GLA: variants seen among roughly 807,000 people sequenced by gnomAD.
The protein encoded by GLA is galactosidase alpha.
In GLA, 4 loss-of-function variants were observed where a neutral mutation model predicts 28.2. That is an observed-to-expected ratio of 0.14 (90% CI 0.07 to 0.32). GLA has a LOEUF of 0.32. Among genes scored for constraint, GLA ranks in the 10% least tolerant of loss-of-function variants. The pLI, the probability that GLA is intolerant of heterozygous loss-of-function variation, is 1.00. For synonymous variants in GLA, 94 were observed against 113.0 expected (o/e 0.83, Z 1.07); for missense variants, 203 against 323.7 (o/e 0.63, Z 2.86).
chrX:101,400,127 T>C (rs1412559267), intron 4 of GLA, among the ~76,000 whole-genome samples: 1 of 111,309 alleles, frequency 9.0e-6, no homozygotes, highest in Non-Finnish European at 1.9e-5. Context: ...CAAGTGCAAT[T>C]GGAAGCGAGT....
At chrX:101,402,742 C>T (rs369094600) in intron 2 of GLA, among the ~76,000 whole-genome samples, 28 of 109,040 alleles carry the variant, frequency 2.6e-4, no homozygotes, top group African/African-American at 9.1e-4. Flanking sequence ...CCAGCCTGGG[C>T]GACAGAGCGA....
In GLA at chrX:101,403,838, A is replaced by T; in HGVS notation, c.342T>A (p.Pro114=). 3 of 1,211,643 alleles carry T rather than the reference A, an allele frequency of 2.5e-6. No homozygotes were observed. The highest frequency in any genetic ancestry group is 3.0e-5 in the East Asian group (1 of 33,866). The part of the protein sequence containing the change: ...GRLQADPQRF[P]HGIRQLANYV... The stretch of plus-strand genomic sequence containing the variant: ...AATTAGCTAGCTGGCGAATCCCATG[A>T]GGAAAGCGCTGAGGGTCTGCCTGAA... Residue 114 remains proline (P), a synonymous_variant, in exon 2 of 7, where the codon CCT becomes CCA. Coordinates refer to ENST00000218516, the MANE Select transcript of GLA (RefSeq NM_000169.3).
chrX:101,398,169 CT>C, intron 6 of GLA, 70 bp from the exon 7 acceptor site: 1 of 981,642 alleles, frequency 1.0e-6, no homozygotes, highest in Non-Finnish European at 1.5e-6. Context: ...GGCATTCATT[CT>C]TAATGTCAGA....
At chrX:101,403,429 C>T (rs1358948510) in intron 2 of GLA, among the ~76,000 whole-genome samples, 1 of 107,370 alleles carries the variant, frequency 9.3e-6, no homozygotes, top group Admixed American at 1.0e-4. Context: ...TTCTTTTTTT[C>T]CTTGTTTTTT....
intron 1 of GLA, among the ~76,000 whole-genome samples, chrX:101,404,611 C>T (rs1555986444): frequency 1.0e-5 from 1 of 97,250 alleles, no homozygotes; most frequent in Non-Finnish European, 2.0e-5. Context: ...CCTCTGTCAC[C>T]CAGGCTGGAG....
rs375661583 is a variant in GLA, at chrX:101,397,915, C to G, written c.1184G>C (p.Gly395Ala). The G allele has an allele frequency of 1.3e-5, 16 of 1,208,708 alleles. No individual in the cohort carries two copies. Among genetic ancestry groups the G allele is most frequent in the Non-Finnish European group, 1.7e-5 (15 of 893,526 alleles). Residue 395 changes from glycine to alanine, a missense_variant, in exon 7 of 7, where the codon GGG (glycine) becomes GCG (alanine). Gly to Ala is a moderately conservative substitution (Grantham distance 60). Transcript: ENST00000218516. ...TAACCTTGAAGTCCATTCATAGAAC[C>G]CTAGCTTCCTTTTCACAGGGAGGAG... is the stretch of plus-strand genomic sequence containing the variant. ...TQLLPVKRKL[G>A]FYEWTSRLRS...
At chrX:101,399,027 T>C in intron 4 of GLA, 81 bp from the exon 5 acceptor site, 3 of 859,535 alleles carry the variant, frequency 3.5e-6, no homozygotes, top group South Asian at 2.0e-5. Flanking sequence ...GAGGCACTTG[T>C]AGCCTTCTCT....
At chrX:101,402,512 C>A (rs113410375) in intron 2 of GLA, among the ~76,000 whole-genome samples, 1,891 of 112,262 alleles carry the variant, frequency 0.017, 40 homozygotes, top group African/African-American at 0.059. Flanking sequence ...TGCCTGTAAT[C>A]CCAGCACTTT....
At chrX:101,401,085 C>T (rs1928299034) in intron 3 of GLA, 1 of 181,144 alleles carries the variant, frequency 5.5e-6, no homozygotes, top group Admixed American at 7.2e-5. Context: ...ATCCACCCGC[C>T]TCAGCCTCCC....
intron 1 of GLA, among the ~76,000 whole-genome samples, chrX:101,405,855 T>C (rs1451733295): frequency 9.4e-6 from 1 of 106,577 alleles, no homozygotes. Context: ...GAGGTGGAGT[T>C]TGCACTGAGC....
intron 4 of GLA, among the ~76,000 whole-genome samples, chrX:101,399,520 C>T (rs1332796885): frequency 8.9e-6 from 1 of 111,980 alleles, no homozygotes; most frequent in Non-Finnish European, 1.9e-5. Context: ...GCCGAGATGG[C>T]GCCACTGCAC....
intron 1 of GLA, 108 bp downstream of exon 1, chrX:101,407,602 G>C (rs782615222): frequency 1.3e-4 from 91 of 727,734 alleles, no homozygotes; most frequent in African/African-American, 8.3e-4. Flanking sequence ...GAGTCGGGTG[G>C]GGGAGCTCTC....
chrX:101,403,508 A>G (rs1191865155), intron 2 of GLA, among the ~76,000 whole-genome samples: 1 of 106,626 alleles, frequency 9.4e-6, no homozygotes, highest in Non-Finnish European at 1.9e-5. Context: ...GCTCACTGAA[A>G]CTTCCACCTC....
At chrX:101,403,689 A>G (rs947915139) in intron 2 of GLA, 122 bp downstream of exon 2, 89 of 685,764 alleles carry the variant, frequency 1.3e-4, no homozygotes, top group Non-Finnish European at 1.8e-4. Context: ...TCGGCCTCCC[A>G]AAGTGTTGGG....
intron 3 of GLA, chrX:101,401,310 GCTT>G: frequency 3.2e-6 from 1 of 315,553 alleles, no homozygotes. Flanking sequence ...GAATGAAGAT[GCTT>G]CTTTCTCTGT....
intron 1 of GLA, among the ~76,000 whole-genome samples, chrX:101,405,299 A>G (rs1249831474): frequency 9.0e-6 from 1 of 110,815 alleles, no homozygotes; most frequent in Non-Finnish European, 1.9e-5. Flanking sequence ...TAGCATTAGA[A>G]TAAGAATACA....
At chrX:101,405,427 A>G (rs1468750389) in intron 1 of GLA, among the ~76,000 whole-genome samples, 2 of 111,504 alleles carry the variant, frequency 1.8e-5, no homozygotes, top group East Asian at 5.6e-4. Context: ...CAGATGGACT[A>G]AAGATTTAAA....
intron 1 of GLA, 86 bp downstream of exon 1, chrX:101,407,624 A>G: frequency 2.2e-6 from 2 of 910,649 alleles, no homozygotes; most frequent in Non-Finnish European, 3.2e-6. Context: ...CTCGGGCTCA[A>G]CTGTTCCCGT....
chrX:101,403,298 C>CAA (rs1345659937), intron 2 of GLA, among the ~76,000 whole-genome samples: 145 of 32,741 alleles, frequency 4.4e-3, no homozygotes, highest in Middle Eastern at 0.033. Flanking sequence ...GACTCCATCT[C>CAA]AAAAAAAAAA....
Sources: gnomAD v4.1 joint callset for allele counts (sites outside exome capture counted in the v4.1 genomes callset) on GRCh38, gnomAD v4.1.1 for gene constraint, MANE v1.5 for transcripts, NCBI Gene and HGNC (gene_info 2026-07-23, HGNC 2026-07-21) for gene names.